Variants in RHOT1 observed in about 807,000 individuals in gnomAD.
The protein encoded by RHOT1 is mitochondrial Rho GTPase 1.
RHOT1 carries 27 observed loss-of-function variants against 95.3 expected under a neutral mutation model. The ratio of observed to expected loss-of-function variants is 0.28; its 90% CI spans 0.21 to 0.39. The LOEUF is 0.39. RHOT1 is among the 10% of genes least tolerant of loss of function. The pLI is 1.00. For synonymous variants in RHOT1, 227 were observed against 263.5 expected (o/e 0.86, Z 1.34); for missense variants, 578 against 786.7 (o/e 0.73, Z 3.17).
intron 6 of RHOT1, among the ~76,000 whole-genome samples, chr17:32,182,048 T>C (rs772400380): frequency 2.6e-5 from 4 of 152,232 alleles, no homozygotes; most frequent in Non-Finnish European, 5.9e-5. Context: ...TTGGCTCAAA[T>C]GTCACCTTTA....
intron 1 of RHOT1, among the ~76,000 whole-genome samples, chr17:32,143,599 A>G (rs956044572): frequency 3.3e-5 from 5 of 152,172 alleles, no homozygotes; most frequent in Non-Finnish European, 4.4e-5. Context: ...AATTTCATAC[A>G]TTTCACCTTT....
At chr17:32,161,973 C>G (rs1598315790) in intron 1 of RHOT1, among the ~76,000 whole-genome samples, 1 of 152,202 alleles carries the variant, frequency 6.6e-6, no homozygotes, top group Admixed American at 6.5e-5. Context: ...TCTGTAGGGT[C>G]AGGGTGCACC....
At chr17:32,173,485 C>T (rs1327248560) in intron 2 of RHOT1, among the ~76,000 whole-genome samples, 2 of 152,086 alleles carry the variant, frequency 1.3e-5, no homozygotes, top group East Asian at 1.9e-4. Flanking sequence ...GAGGCCGAGG[C>T]GGGTGGATCA....
chr17:32,180,740 A>G (rs1455144473), intron 6 of RHOT1, among the ~76,000 whole-genome samples: 2 of 149,510 alleles, frequency 1.3e-5, no homozygotes, highest in South Asian at 2.1e-4. Context: ...GCTAAGATCT[A>G]TCAATCTATC....
rs2039047548 is a variant in RHOT1, at chr17:32,224,887, T to C, written c.*154T>C. 2 of 506,352 alleles carry C rather than the reference T, an allele frequency of 3.9e-6. No individual in the cohort carries two copies. The highest frequency in any genetic ancestry group is 3.1e-5 in the East Asian group (1 of 32,684). The allele number at this position is 506,352 out of a possible 1,614,324, so 31.4% of individuals were successfully genotyped here. On this transcript the variant is annotated 3_prime_UTR_variant, in exon 20 of 20. Coordinates refer to ENST00000545287, the MANE Select transcript of RHOT1 (RefSeq NM_001033566.3). The stretch of plus-strand genomic sequence containing the variant: ...CATAAGAGTATTTTAATGATAGTTA[T>C]AACTGCAGTATTGGCTAGCATATGG...
intron 8 of RHOT1, among the ~76,000 whole-genome samples, chr17:32,185,573 AT>A: frequency 6.6e-6 from 1 of 151,568 alleles, no homozygotes; most frequent in Admixed American, 6.6e-5. Context: ...TACCCAGCTA[AT>A]TTTTGTATTT....
intron 14 of RHOT1, among the ~76,000 whole-genome samples, chr17:32,201,716 G>A (rs142303334): frequency 6.6e-6 from 1 of 152,170 alleles, no homozygotes; most frequent in African/African-American, 2.4e-5. Flanking sequence ...ACATTTTTCT[G>A]TATCAATAGG....
At chr17:32,192,412 G>A (rs2036557999) in intron 9 of RHOT1, 113 bp downstream of exon 9, 2 of 664,078 alleles carry the variant, frequency 3.0e-6, no homozygotes, top group South Asian at 3.5e-5. Context: ...ATAAACATAA[G>A]TTTCTTTCTC....
chr17:32,222,626 G>A (rs2038901696), intron 19 of RHOT1, among the ~76,000 whole-genome samples: 1 of 151,930 alleles, frequency 6.6e-6, no homozygotes, highest in South Asian at 2.1e-4. Context: ...TTTAAATATA[G>A]AAAACATGAG....
At chr17:32,199,178 C>A in intron 12 of RHOT1, 147 bp downstream of exon 12, 1 of 748,994 alleles carries the variant, frequency 1.3e-6, no homozygotes, top group Non-Finnish European at 2.1e-6. Flanking sequence ...AAAATATTTT[C>A]TGCTGTTTAC....
chr17:32,224,794 T>A lies in RHOT1; in HGVS notation c.*61T>A. The A allele has an allele frequency of 1.1e-6, 1 of 945,666 alleles. No homozygotes were observed. Among genetic ancestry groups the A allele is most frequent in the South Asian group, 1.6e-5 (1 of 62,906 alleles). The allele number at this position is 945,666 out of a possible 1,614,324, so 58.6% of individuals were successfully genotyped here. ...ACTTTTATGTACATTCTGAATGCTTTAAGTTCTGCTAGAATTATTGAGATA... is the reference window on the plus strand; with the variant it reads ...ACTTTTATGTACATTCTGAATGCTTAAAGTTCTGCTAGAATTATTGAGATA... On this transcript the variant is annotated 3_prime_UTR_variant, in exon 20 of 20. Transcript: ENST00000545287.
intron 1 of RHOT1, chr17:32,143,178 A>G (rs2030685941): frequency 2.1e-6 from 1 of 482,452 alleles, no homozygotes; most frequent in East Asian, 6.3e-5. Context: ...AGACTGACCA[A>G]TAGGGATTGC....
chr17:32,171,027 A>G lies in RHOT1; in HGVS notation c.38-16A>G. On this transcript the variant is annotated splice_polypyrimidine_tract_variant and intron_variant, in intron 1 of 19. Coordinates refer to ENST00000545287, the MANE Select transcript of RHOT1 (RefSeq NM_001033566.3). The stretch of plus-strand genomic sequence containing the variant: ...AACCTAACACTTTATTAAAGTAACG[A>G]TTTTTCTTTTCACAGCTAGAGTTGG... 1 of 1,592,104 alleles carries G rather than the reference A, an allele frequency of 6.3e-7. No homozygotes were observed. The highest frequency in any genetic ancestry group is 8.6e-7 in the Non-Finnish European group (1 of 1,166,938).
rs150421286 is a variant in RHOT1 at position 32,224,118 on chromosome 17, G to A, written c.1863-498G>A. ...GGGGGTTTTTTGTAAATTTTTATGA[G>A]GCTCAGTGTTTCCAAAGTTGACTTT... On this transcript the variant is annotated intron_variant, in intron 19 of 19. Transcript: ENST00000545287. 5.4e-3 allele frequency among the ~76,000 whole-genome samples: 826 copies of A among 152,138 alleles called. 4 individuals are homozygous for A. Among genetic ancestry groups the A allele is most frequent in the Non-Finnish European group, 9.0e-3 (610 of 68,014 alleles).
Position 32,211,231 on chromosome 17 carries a change from C to G in RHOT1, c.1855C>G (p.Leu619Val), listed in dbSNP as rs1246147276. The G allele has an allele frequency of 6.2e-7, 1 of 1,605,440 alleles. No individual in the cohort carries two copies. Among genetic ancestry groups the G allele is most frequent in the Non-Finnish European group, 8.5e-7 (1 of 1,174,122 alleles). Reference protein sequence around the residue: ...SVKNKIFTAVLNRHVTQADLK... With the variant: ...SVKNKIFTAVVNRHVTQADLK... Reference sequence around the variant, plus strand: ...AAAGAACAAAATCTTCACTGCAGTTCTTAACAGGTTCTTAACTTTATTTAC... The same window carrying G: ...AAAGAACAAAATCTTCACTGCAGTTGTTAACAGGTTCTTAACTTTATTTAC... Residue 619 changes from leucine (L) to valine (V), a missense_variant, in exon 19 of 20, where the codon CTT becomes GTT. By Grantham distance (32) the Leu-to-Val change is conservative (BLOSUM62 1). Around this residue, in one of 4 missense-constraint regions of RHOT1, gnomAD observed 296 missense variants for 338.5 expected, o/e 0.87. Coordinates refer to ENST00000545287, the MANE Select transcript of RHOT1 (RefSeq NM_001033566.3).
intron 1 of RHOT1, among the ~76,000 whole-genome samples, chr17:32,149,421 T>A (rs933617437): frequency 2.0e-5 from 3 of 148,950 alleles, no homozygotes; most frequent in Non-Finnish European, 4.4e-5. Flanking sequence ...TATATCATAT[T>A]TGCCATTATT....
chr17:32,157,039 T>C (rs1567657809), intron 1 of RHOT1, among the ~76,000 whole-genome samples: 1 of 152,242 alleles, frequency 6.6e-6, no homozygotes, highest in Non-Finnish European at 1.5e-5. Context: ...TCAGCCCAAT[T>C]CTGTGTAGTT....
At chr17:32,203,811 T>C in intron 15 of RHOT1, 79 bp from the exon 16 acceptor site, 5 of 961,574 alleles carry the variant, frequency 5.2e-6, no homozygotes, top group African/African-American at 1.6e-5. Context: ...ATAACACACC[T>C]GCACATATAC....
chr17:32,142,793 G>A (rs2030562036), intron 1 of RHOT1, 64 bp downstream of exon 1: 1 of 1,321,726 alleles, frequency 7.6e-7, no homozygotes, highest in Non-Finnish European at 1.0e-6. Context: ...AGCCCCTGTC[G>A]CCCCTGTCGC....
Sources: gnomAD v4.1 joint callset for allele counts (sites outside exome capture counted in the v4.1 genomes callset) on GRCh38, gnomAD v4.1.1 for gene constraint, gnomAD v4.1.1 regional missense constraint, MANE v1.5 for transcripts, NCBI Gene and HGNC (gene_info 2026-07-23, HGNC 2026-07-21) for gene names.